The following GABRG3 variants were observed in gnomAD, a reference collection of about 807,000 sequenced individuals.
GABRG3 encodes gamma-aminobutyric acid receptor subunit gamma-3.
A neutral mutation model predicts 48.8 loss-of-function variants in GABRG3; 25 were observed. The ratio of observed to expected loss-of-function variants is 0.51; its 90% CI spans 0.37 to 0.72. The LOEUF (loss-of-function observed/expected upper bound fraction) is 0.72, where lower values mean the gene tolerates loss of function less well. GABRG3 is among the 30% of genes least tolerant of loss of function. GABRG3 has a pLI of 0.00. For missense variants in GABRG3, 394 were observed against 577.9 expected (o/e 0.68, Z 3.26); for synonymous variants, 227 against 217.6 (o/e 1.04, Z -0.38).
chr15:27,355,983 A>C (rs748062570), intron 5 of GABRG3, among the ~76,000 whole-genome samples: 8 of 152,196 alleles, frequency 5.3e-5, no homozygotes, highest in Non-Finnish European at 1.2e-4. Flanking sequence ...TGATACCTAA[A>C]AGGCACAGAT....
intron 5 of GABRG3, among the ~76,000 whole-genome samples, chr15:27,372,826 T>A (rs1351945726): frequency 6.6e-6 from 1 of 152,220 alleles, no homozygotes; most frequent in Non-Finnish European, 1.5e-5. Flanking sequence ...TGCCTCTGTC[T>A]CTCTCCCAGT....
chr15:27,529,047 A>T (rs1233071378), intron 9 of GABRG3, among the ~76,000 whole-genome samples: 3 of 152,120 alleles, frequency 2.0e-5, no homozygotes, highest in Admixed American at 2.0e-4. Context: ...CTGCTTTGGA[A>T]GGTCCTTCCT....
chr15:27,514,569 T>A (rs995920733), intron 6 of GABRG3, among the ~76,000 whole-genome samples: 2 of 152,216 alleles, frequency 1.3e-5, no homozygotes, highest in African/African-American at 4.8e-5. Flanking sequence ...AGATTTTGGG[T>A]CTTAATTACA....
At position 27,533,721 on chromosome 15, in the gene GABRG3, A is replaced by T. The variant is rs1294489697; in HGVS notation, c.*840A>T. On this transcript the variant is annotated 3_prime_UTR_variant, in exon 10 of 10. Coordinates refer to ENST00000615808, the MANE Select transcript of GABRG3 (RefSeq NM_033223.5). ...CTCGAGTATGTGTCCAGCTTATGTT[A>T]TATTATTATGGGTTCGGTAATTGTC... 1.3e-5 allele frequency: 2 copies of T among 152,272 alleles called. No homozygotes were observed. Among genetic ancestry groups the T allele is most frequent in the East Asian group, 3.9e-4 (2 of 5,184 alleles). 9.4% of individuals were successfully genotyped at this position (152,272 alleles called of 1,614,324 possible).
chr15:27,355,410 A>T (rs1047668885), intron 5 of GABRG3, among the ~76,000 whole-genome samples: 2 of 152,244 alleles, frequency 1.3e-5, no homozygotes, highest in Non-Finnish European at 2.9e-5. Flanking sequence ...GGGAAATGTA[A>T]AATCAAACCC....
At chr15:27,309,167 CAG>C (rs971995505) in intron 3 of GABRG3, among the ~76,000 whole-genome samples, 13 of 134,612 alleles carry the variant, frequency 9.7e-5, no homozygotes, top group Admixed American at 2.8e-4. Context: ...ATAATGTAAA[CAG>C]ATGTTTATAT....
At chr15:27,304,684 C>A (rs1252247198) in intron 3 of GABRG3, among the ~76,000 whole-genome samples, 1 of 151,952 alleles carries the variant, frequency 6.6e-6, no homozygotes, top group African/African-American at 2.4e-5. Context: ...CTTACATGGG[C>A]CTCAGTGATT....
intron 2 of GABRG3, among the ~76,000 whole-genome samples, chr15:27,004,118 G>T (rs1194339446): frequency 6.6e-6 from 1 of 150,788 alleles, no homozygotes; most frequent in Non-Finnish European, 1.5e-5. Flanking sequence ...GGCTGGCCGG[G>T]CGGGGGGCTG....
intron 3 of GABRG3, among the ~76,000 whole-genome samples, chr15:27,300,270 A>G (rs962373015): frequency 1.3e-5 from 2 of 152,198 alleles, no homozygotes; most frequent in African/African-American, 4.8e-5. Flanking sequence ...ATGGAGACCC[A>G]TGGACATTTC....
chr15:27,202,887 G>A (rs575373894), intron 3 of GABRG3, among the ~76,000 whole-genome samples: 17 of 151,928 alleles, frequency 1.1e-4, no homozygotes, highest in African/African-American at 4.1e-4. Context: ...TAGTTTTTAT[G>A]TGGTAAAATA....
At chr15:27,247,449 ACTGT>A (rs1890304504) in intron 3 of GABRG3, among the ~76,000 whole-genome samples, 1 of 152,060 alleles carries the variant, frequency 6.6e-6, no homozygotes, top group African/African-American at 2.4e-5. Flanking sequence ...CTGCAGCCAC[ACTGT>A]CCTCTGTAAC....
At chr15:27,336,800 G>C (rs1479270203) in intron 5 of GABRG3, among the ~76,000 whole-genome samples, 1 of 152,072 alleles carries the variant, frequency 6.6e-6, no homozygotes, top group East Asian at 1.9e-4. Flanking sequence ...GCAAACTGTT[G>C]GTACATCCTT....
At position 27,339,635 on chromosome 15, in the gene GABRG3, T is replaced by A. The variant is rs74622560; in HGVS notation, c.574+10747T>A. 5.7e-3 allele frequency among the ~76,000 whole-genome samples: 861 copies of A among 152,264 alleles called. 7 individuals carry two copies. The highest frequency in any genetic ancestry group is 0.02 in the African/African-American group (834 of 41,554). On this transcript the variant is annotated intron_variant, in intron 5 of 9. Transcript: ENST00000615808. ...ACAGGGCTTCAGTATCGTCCCCCAA[T>A]AACTGACCTCCTTACTTTGGTGGAA...
intron 3 of GABRG3, among the ~76,000 whole-genome samples, chr15:27,185,518 TG>T (rs1381451168): frequency 6.6e-6 from 1 of 152,162 alleles, no homozygotes; most frequent in Non-Finnish European, 1.5e-5. Flanking sequence ...CCAATGTTAT[TG>T]GGTAGAGTTT....
At chr15:27,479,317 A>G (rs1003299710) in intron 5 of GABRG3, among the ~76,000 whole-genome samples, 1 of 152,244 alleles carries the variant, frequency 6.6e-6, no homozygotes, top group African/African-American at 2.4e-5. Context: ...TGATTCCTTC[A>G]TAGAAATGCT....
chr15:27,072,355 T>C (rs961546301), intron 3 of GABRG3, among the ~76,000 whole-genome samples: 1 of 152,182 alleles, frequency 6.6e-6, no homozygotes, highest in Non-Finnish European at 1.5e-5. Flanking sequence ...TCTTCATTCC[T>C]TCATTTCCTT....
chr15:26,998,113 A>G (rs1895373761), intron 2 of GABRG3, among the ~76,000 whole-genome samples: 1 of 152,204 alleles, frequency 6.6e-6, no homozygotes, highest in Non-Finnish European at 1.5e-5. Flanking sequence ...TCTGATGCCC[A>G]GTGTTGACTG....
At chr15:27,492,701 A>G (rs1395637151) in intron 6 of GABRG3, among the ~76,000 whole-genome samples, 2 of 152,362 alleles carry the variant, frequency 1.3e-5, no homozygotes, top group Non-Finnish European at 2.9e-5. Flanking sequence ...TTCAAGACAT[A>G]TATTCATGTT....
At chr15:27,520,690 T>C (rs922700744) in intron 7 of GABRG3, among the ~76,000 whole-genome samples, 9 of 123,326 alleles carry the variant, frequency 7.3e-5, no homozygotes, top group Admixed American at 5.2e-4. Context: ...CTGTGCAACG[T>C]GTATTATGTC....
Sources: allele counts gnomAD v4.1 joint callset (sites outside exome capture counted in the v4.1 genomes callset), GRCh38; gene constraint gnomAD v4.1.1; transcripts MANE v1.5; gene names NCBI Gene and HGNC (gene_info 2026-07-23, HGNC 2026-07-21).